RAB3GAP1: variants seen among roughly 807,000 people sequenced by gnomAD.
RAB3GAP1 encodes RAB3 GTPase activating protein catalytic subunit 1, also known as rab3 GTPase-activating protein catalytic subunit.
A neutral mutation model predicts 130.7 loss-of-function variants in RAB3GAP1; 86 were observed. The ratio of observed to expected loss-of-function variants is 0.66; its 90% CI spans 0.55 to 0.79. The LOEUF is 0.79. Ranked by LOEUF, RAB3GAP1 falls within the 30% of genes least tolerant of loss-of-function variation. The pLI is 0.00. For missense variants in RAB3GAP1, 1,029 were observed against 1,169.4 expected, an observed-to-expected ratio of 0.88 and a Z score of 1.75; for synonymous variants, 367 against 401.7, an observed-to-expected ratio of 0.91 and a Z score of 1.03.
At position 135,169,926 on chromosome 2, in the gene RAB3GAP1, G is replaced by A. The variant is rs1692798892; in HGVS notation, c.*1145G>A. On this transcript the variant is annotated 3_prime_UTR_variant, in exon 24 of 24. Coordinates refer to ENST00000264158, the MANE Select transcript of RAB3GAP1 (RefSeq NM_012233.3). ...TTATACTGAAGCATAAACCTTGCCT[G>A]TGTAATTTTAAAAAATTAATAGAGC... The A allele has an allele frequency of 3.4e-6, 1 of 291,914 alleles. No individual in the cohort carries two copies. The highest frequency in any genetic ancestry group is 6.8e-6 in the Non-Finnish European group (1 of 146,626). 18.1% of individuals were successfully genotyped at this position (291,914 alleles called of 1,614,324 possible).
At chr2:135,053,171 C>T (rs1273438799) in intron 2 of RAB3GAP1, among the ~76,000 whole-genome samples, 1 of 152,204 alleles carries the variant, frequency 6.6e-6, no homozygotes, top group East Asian at 1.9e-4. Flanking sequence ...TTTTAAAGAT[C>T]TCGCTGTGTT....
chr2:135,093,537 G>A (rs1574102427), intron 4 of RAB3GAP1, 78 bp from the exon 5 acceptor site: 1 of 1,047,390 alleles, frequency 9.5e-7, no homozygotes, highest in South Asian at 1.3e-5. Context: ...AGCAAGACAT[G>A]TGTTTCCTCA....
At chr2:135,100,795 G>A (rs1432666511) in intron 5 of RAB3GAP1, among the ~76,000 whole-genome samples, 2 of 152,176 alleles carry the variant, frequency 1.3e-5, no homozygotes, top group Non-Finnish European at 2.9e-5. Context: ...ATAGATAAGG[G>A]AGTAGACAAC....
In RAB3GAP1 at chr2:135,132,924, A is replaced by G. The variant is rs760288734; in HGVS notation, c.1266A>G (p.Lys422=). The change falls in exon 14 of 24, where the codon AAA becomes AAG. Residue 422 remains lysine (K), a synonymous_variant. Transcript: ENST00000264158. The stretch of plus-strand genomic sequence containing the variant: ...TATTCCCTGATGCTGTTTCTGAGAA[A>G]CCATTAGATGGAACTACTTCAACAG... ...LFLFPDAVSE[K]PLDGTTSTDN... The G allele has an allele frequency of 6.3e-7, 1 of 1,582,178 alleles. No homozygotes were observed. The highest frequency in any genetic ancestry group is 1.1e-5 in the South Asian group (1 of 90,420).
At chr2:135,145,632 A>G (rs780809656) in intron 17 of RAB3GAP1, among the ~76,000 whole-genome samples, 2 of 152,188 alleles carry the variant, frequency 1.3e-5, no homozygotes, top group Non-Finnish European at 2.9e-5. Flanking sequence ...TTTTTCAACT[A>G]TAAGTTCATA....
intron 17 of RAB3GAP1, chr2:135,136,954 G>A: frequency 4.3e-6 from 1 of 232,956 alleles, no homozygotes; most frequent in South Asian, 5.8e-5. Flanking sequence ...TGAGTATTGG[G>A]GCATGTGTCT....
chr2:135,137,808 G>GGTTTT (rs1691715327), intron 17 of RAB3GAP1, among the ~76,000 whole-genome samples: 2 of 151,776 alleles, frequency 1.3e-5, no homozygotes, highest in South Asian at 4.2e-4. Context: ...TGTTTTTAAG[G>GGTTTT]GTTTTGTTTT....
intron 15 of RAB3GAP1, among the ~76,000 whole-genome samples, chr2:135,134,946 C>T (rs1460816150): frequency 6.6e-6 from 1 of 152,144 alleles, no homozygotes; most frequent in Non-Finnish European, 1.5e-5. Flanking sequence ...ATACTGTATG[C>T]TAGTACTTCC....
In RAB3GAP1 at chr2:135,115,072, T is replaced by A. The variant is rs183409382; in HGVS notation, c.483-144T>A. The A allele has an allele frequency of 1.3e-4, 90 of 696,808 alleles. No individual in the cohort carries two copies. The African/African-American group carries it at 1.4e-3, about 11-fold the overall frequency. 43.2% of individuals were successfully genotyped at this position (696,808 alleles called of 1,614,324 possible). A position where few individuals can be genotyped will look rare whatever the true frequency, so the allele number is the denominator to read the frequency against. On this transcript the variant is annotated intron_variant, in intron 6 of 23. Coordinates refer to ENST00000264158, the MANE Select transcript of RAB3GAP1 (RefSeq NM_012233.3). Reference sequence around the variant, plus strand: ...AAAAAGGAACTAAGAATGTCTTTGTTATACACACAAACCTGTGTTTTTGTT... The same window carrying A: ...AAAAAGGAACTAAGAATGTCTTTGTAATACACACAAACCTGTGTTTTTGTT...
intron 5 of RAB3GAP1, among the ~76,000 whole-genome samples, chr2:135,107,923 C>T (rs1209403507): frequency 4.4e-5 from 6 of 137,758 alleles, no homozygotes; most frequent in African/African-American, 1.1e-4. Flanking sequence ...TGCAGTGAGC[C>T]GACATTGTGC....
rs1691478824 is a variant in RAB3GAP1, at chr2:135,129,851, GT to G, written c.974-137del. On this transcript the variant is annotated intron_variant, in intron 11 of 23. Coordinates refer to ENST00000264158, the MANE Select transcript of RAB3GAP1 (RefSeq NM_012233.3). ...TACCTTTGATATAGGATTAATTTTT[GT>G]TTTTTTCAATGGAAAAACTGAATGG... 52 of 634,606 alleles carry G rather than the reference GT, an allele frequency of 8.2e-5. 2 individuals are homozygous for G. In the South Asian group the frequency reaches 9.7e-4, roughly 12 times the overall value. 39.3% of individuals were successfully genotyped at this position (634,606 alleles called of 1,614,324 possible).
chr2:135,088,052 A>T (rs1007702046), intron 3 of RAB3GAP1, among the ~76,000 whole-genome samples: 1 of 152,152 alleles, frequency 6.6e-6, no homozygotes, highest in Non-Finnish European at 1.5e-5. Context: ...CAGAACTTGG[A>T]TGCCTTGTCT....
At chr2:135,088,180 A>G (rs1402620866) in intron 3 of RAB3GAP1, among the ~76,000 whole-genome samples, 1 of 152,178 alleles carries the variant, frequency 6.6e-6, no homozygotes, top group African/African-American at 2.4e-5. Flanking sequence ...ATTTACTGCA[A>G]ACTTGAAAAA....
At chr2:135,094,230 T>C (rs1690227544) in intron 5 of RAB3GAP1, among the ~76,000 whole-genome samples, 1 of 152,256 alleles carries the variant, frequency 6.6e-6, no homozygotes, top group South Asian at 2.1e-4. Flanking sequence ...GCAAGCAGGC[T>C]TTTCTTTTCT....
Position 135,162,979 on chromosome 2 carries a change from CCG to C in RAB3GAP1, c.2491-5_2491-4del. The C allele has an allele frequency of 6.2e-7, 1 of 1,607,912 alleles. No homozygotes were observed. Among genetic ancestry groups the C allele is most frequent in the South Asian group, 1.1e-5 (1 of 90,928 alleles). ...GCAATGTATGCCTCTTCCTTTTCTACCGCCAGGAAATCATTCACCAGATTACT... is the reference window on the plus strand; with the variant it reads ...GCAATGTATGCCTCTTCCTTTTCTACCCAGGAAATCATTCACCAGATTACT... On this transcript the variant is annotated splice_polypyrimidine_tract_variant and splice_region_variant and intron_variant, in intron 21 of 23. Transcript: ENST00000264158.
At position 135,106,762 on chromosome 2, in the gene RAB3GAP1, A is replaced by T. The variant is rs528514698; in HGVS notation, c.363-6389A>T. The stretch of plus-strand genomic sequence containing the variant: ...AAGAATCATCAATAAATACTAAAAA[A>T]AAAAATAAAAAAATAAAAAAGTAAA... On this transcript the variant is annotated intron_variant, in intron 5 of 23. Transcript: ENST00000264158. Among the ~76,000 whole-genome samples, 363 of 143,872 alleles carry T rather than the reference A, an allele frequency of 2.5e-3. 1 individual carries two copies. Among genetic ancestry groups the T allele is most frequent in the African/African-American group, 6.3e-3 (255 of 40,678 alleles). The allele number at this position is 143,872 out of a possible 152,430, so 94.4% of individuals were successfully genotyped here.
At chr2:135,111,869 C>A (rs1007389742) in intron 5 of RAB3GAP1, among the ~76,000 whole-genome samples, 5 of 152,164 alleles carry the variant, frequency 3.3e-5, no homozygotes, top group African/African-American at 7.2e-5. Flanking sequence ...AGGAATTTCA[C>A]TGACATTTCC....
intron 3 of RAB3GAP1, among the ~76,000 whole-genome samples, chr2:135,061,690 A>G (rs1305840783): frequency 6.6e-6 from 1 of 151,490 alleles, no homozygotes; most frequent in Non-Finnish European, 1.5e-5. Context: ...TTTGGTATAT[A>G]TATATTCTGC....
intron 5 of RAB3GAP1, among the ~76,000 whole-genome samples, chr2:135,107,726 G>GC (rs1332168579): frequency 6.6e-6 from 1 of 151,980 alleles, no homozygotes; most frequent in Non-Finnish European, 1.5e-5. Context: ...GGTGGCTCAC[G>GC]CCTGTAATCC....
Sources: allele counts gnomAD v4.1 joint callset (sites outside exome capture counted in the v4.1 genomes callset), GRCh38; gene constraint gnomAD v4.1.1; transcripts MANE v1.5; gene names NCBI Gene and HGNC (gene_info 2026-07-23, HGNC 2026-07-21).